The following MARCHF3 variants were observed in gnomAD, a reference collection of about 807,000 sequenced individuals.
The protein encoded by MARCHF3 is E3 ubiquitin-protein ligase MARCHF3.
MARCHF3 carries 13 observed loss-of-function variants against 24.2 expected under a neutral mutation model. That is an observed-to-expected ratio of 0.54 (90% CI 0.35 to 0.85). The LOEUF (loss-of-function observed/expected upper bound fraction) is 0.85, where lower values mean the gene tolerates loss of function less well. Among genes scored for constraint, MARCHF3 ranks in the 40% least tolerant of loss-of-function variants. The probability of loss-of-function intolerance (pLI) is 0.01; values close to 1 mark genes in which losing one functional copy is unlikely to be tolerated. For missense variants in MARCHF3, 276 were observed against 325.0 expected (o/e 0.85, Z 1.16); for synonymous variants, 144 against 137.3 (o/e 1.05, Z -0.34).
chr5:127,011,404 A>G (rs1224254453), intron 1 of MARCHF3, among the ~76,000 whole-genome samples: 3 of 152,188 alleles, frequency 2.0e-5, no homozygotes, highest in African/African-American at 7.2e-5. Flanking sequence ...ATCTAGCATG[A>G]GGGGATGGCT....
intron 1 of MARCHF3, among the ~76,000 whole-genome samples, chr5:127,014,451 T>C (rs1184409875): frequency 1.3e-5 from 2 of 152,136 alleles, no homozygotes; most frequent in African/African-American, 4.8e-5. Flanking sequence ...AATCCCACAA[T>C]TGGGAATTTA....
rs548225338 is a variant in MARCHF3, at chr5:126,997,088, C to T, written c.-57+33262G>A. Among the ~76,000 whole-genome samples the T allele has an allele frequency of 2.6e-5, 4 of 152,258 alleles. No individual in the cohort carries two copies. In the South Asian group the frequency reaches 8.3e-4, roughly 32 times the overall value. On this transcript the variant is annotated intron_variant, in intron 1 of 4. Transcript: ENST00000308660. ...GTATTAAAGAATACTTACAGTACTT[C>T]CCAGGGCTGACCTGAAATTTAGTAT...
At chr5:126,933,621 T>G (rs1280583967) in intron 1 of MARCHF3, among the ~76,000 whole-genome samples, 1 of 152,108 alleles carries the variant, frequency 6.6e-6, no homozygotes, top group African/African-American at 2.4e-5. Context: ...ATTTTTTGTA[T>G]TTTTAGTAGA....
intron 1 of MARCHF3, among the ~76,000 whole-genome samples, chr5:126,924,330 G>C (rs1749224064): frequency 6.6e-6 from 1 of 152,182 alleles, no homozygotes; most frequent in Admixed American, 6.5e-5. Context: ...CTCTGTGAGA[G>C]GCTTAATACG....
chr5:126,943,478 G>T (rs1749901232), intron 1 of MARCHF3, among the ~76,000 whole-genome samples: 1 of 151,236 alleles, frequency 6.6e-6, no homozygotes, highest in African/African-American at 2.4e-5. Flanking sequence ...AGCTACTTGG[G>T]AGGCTGAGGT....
intron 1 of MARCHF3, among the ~76,000 whole-genome samples, chr5:127,013,997 A>G (rs1490123542): frequency 6.6e-6 from 1 of 152,170 alleles, no homozygotes; most frequent in East Asian, 1.9e-4. Flanking sequence ...CTGAGAAAAG[A>G]TTTTATGATT....
intron 3 of MARCHF3, among the ~76,000 whole-genome samples, chr5:126,889,463 TGTGA>T (rs1753605746): frequency 1.3e-5 from 2 of 151,890 alleles, no homozygotes; most frequent in East Asian, 1.9e-4. Flanking sequence ...GTAGTGAGAA[TGTGA>T]GTAAGAAAAC....
chr5:126,965,977 T>C (rs1170367431), intron 1 of MARCHF3, among the ~76,000 whole-genome samples: 4 of 152,234 alleles, frequency 2.6e-5, no homozygotes, highest in Non-Finnish European at 5.9e-5. Flanking sequence ...TTGTGGTATA[T>C]TGATGTAATG....
intron 1 of MARCHF3, among the ~76,000 whole-genome samples, chr5:126,980,047 A>C (rs1277720579): frequency 3.9e-5 from 6 of 152,176 alleles, no homozygotes; most frequent in African/African-American, 1.4e-4. Flanking sequence ...TGTGTATAAC[A>C]ATCTTGCTCA....
intron 1 of MARCHF3, among the ~76,000 whole-genome samples, chr5:127,025,225 A>G (rs1752955635): frequency 6.6e-6 from 1 of 151,970 alleles, no homozygotes; most frequent in Non-Finnish European, 1.5e-5. Flanking sequence ...GATATTGATC[A>G]CAGATTTTCC....
chr5:126,991,508 T>A (rs185719991), intron 1 of MARCHF3, among the ~76,000 whole-genome samples: 1 of 152,270 alleles, frequency 6.6e-6, no homozygotes, highest in South Asian at 2.1e-4. Context: ...GTAACAAACC[T>A]GCACGTTGTG....
intron 4 of MARCHF3, 93 bp from the exon 5 acceptor site, chr5:126,870,884 T>C: frequency 6.6e-7 from 1 of 1,508,546 alleles, no homozygotes; most frequent in Non-Finnish European, 9.0e-7. Flanking sequence ...TTGAAAGAGC[T>C]TCAAAGAGCT....
intron 3 of MARCHF3, among the ~76,000 whole-genome samples, chr5:126,893,237 C>T (rs367692898): frequency 2.9e-4 from 44 of 151,830 alleles, no homozygotes; most frequent in Non-Finnish European, 5.1e-4. Context: ...TTTCAAAAAA[C>T]CAGCTCCTGG....
intron 1 of MARCHF3, among the ~76,000 whole-genome samples, chr5:126,973,205 C>T (rs1007146784): frequency 1.3e-5 from 2 of 152,168 alleles, no homozygotes; most frequent in Non-Finnish European, 2.9e-5. Flanking sequence ...AAAACAAAAC[C>T]AACCTCGTTA....
At chr5:126,988,101 T>C (rs1196789592) in intron 1 of MARCHF3, among the ~76,000 whole-genome samples, 1 of 152,080 alleles carries the variant, frequency 6.6e-6, no homozygotes, top group Admixed American at 6.6e-5. Context: ...GCAAACACTC[T>C]AGAGTAAAGC....
intron 4 of MARCHF3, among the ~76,000 whole-genome samples, chr5:126,871,850 G>C (rs1752977662): frequency 6.6e-6 from 1 of 152,012 alleles, no homozygotes; most frequent in African/African-American, 2.4e-5. Context: ...GGGATTACAG[G>C]CATACGCCAC....
chr5:126,901,289 G>C (rs902023031), intron 3 of MARCHF3, among the ~76,000 whole-genome samples: 1 of 151,982 alleles, frequency 6.6e-6, no homozygotes, highest in Non-Finnish European at 1.5e-5. Context: ...TTTTTCCTTT[G>C]CCTCAGAAAT....
At chr5:126,935,312 G>C (rs1374843808) in intron 1 of MARCHF3, among the ~76,000 whole-genome samples, 1 of 152,116 alleles carries the variant, frequency 6.6e-6, no homozygotes, top group East Asian at 1.9e-4. Flanking sequence ...GGTCCGAACA[G>C]AACAAAAATG....
chr5:126,889,875 C>T (rs1307632363), intron 3 of MARCHF3, among the ~76,000 whole-genome samples: 1 of 152,158 alleles, frequency 6.6e-6, no homozygotes, highest in Non-Finnish European at 1.5e-5. Context: ...GGGATCCCAC[C>T]ACCATTTAAG....
Sources: allele counts gnomAD v4.1 joint callset (sites outside exome capture counted in the v4.1 genomes callset), GRCh38; gene constraint gnomAD v4.1.1; transcripts MANE v1.5; gene names NCBI Gene and HGNC (gene_info 2026-07-23, HGNC 2026-07-21).